RALGAPA1: variants seen among roughly 807,000 people sequenced by gnomAD.
The protein encoded by RALGAPA1 is ral GTPase-activating protein subunit alpha-1.
Under a neutral mutation model 269.6 loss-of-function variants are expected in RALGAPA1, and 52 were observed. That is an observed-to-expected ratio of 0.19 (90% CI 0.15 to 0.24). The LOEUF (loss-of-function observed/expected upper bound fraction) is 0.24, where lower values mean the gene tolerates loss of function less well. RALGAPA1 is among the 10% of genes least tolerant of loss of function. The pLI is 1.00. For missense variants in RALGAPA1, 1,917 were observed against 3,013.9 expected, an observed-to-expected ratio of 0.64 and a Z score of 8.52; for synonymous variants, 817 against 1,008.3, an observed-to-expected ratio of 0.81 and a Z score of 3.60.
intron 1 of RALGAPA1, among the ~76,000 whole-genome samples, chr14:35,800,727 A>G (rs969232848): frequency 2.0e-5 from 3 of 152,224 alleles, no homozygotes; most frequent in Non-Finnish European, 4.4e-5. Flanking sequence ...AAAGACTGCC[A>G]GGCATGGTAG....
chr14:35,673,900 C>T (rs2064720999), intron 24 of RALGAPA1, among the ~76,000 whole-genome samples: 1 of 152,120 alleles, frequency 6.6e-6, no homozygotes, highest in African/African-American at 2.4e-5. Flanking sequence ...TAATACACAG[C>T]ATATTCTGTG....
intron 9 of RALGAPA1, 103 bp from the exon 10 acceptor site, chr14:35,748,927 C>T (rs1359226471): frequency 1.2e-5 from 17 of 1,409,260 alleles, no homozygotes; most frequent in Non-Finnish European, 1.6e-5. Flanking sequence ...CAAAACATTT[C>T]CCAAGTAATT....
chr14:35,699,059 A>C (rs974699493), intron 17 of RALGAPA1, among the ~76,000 whole-genome samples: 1 of 152,180 alleles, frequency 6.6e-6, no homozygotes, highest in African/African-American at 2.4e-5. Context: ...CCATTCATTC[A>C]TCAATACTTA....
chr14:35,626,437 A>G (rs1215331906), intron 34 of RALGAPA1, among the ~76,000 whole-genome samples: 1 of 152,198 alleles, frequency 6.6e-6, no homozygotes, highest in Non-Finnish European at 1.5e-5. Flanking sequence ...TTAAAACCTA[A>G]ATGTATATTA....
At chr14:35,687,784 A>G (rs2066085524) in intron 18 of RALGAPA1, among the ~76,000 whole-genome samples, 1 of 152,248 alleles carries the variant, frequency 6.6e-6, no homozygotes, top group Non-Finnish European at 1.5e-5. Context: ...TCAGAAAAAA[A>G]CAAAGTAATT....
At chr14:35,648,316 A>T (rs1388755447) in intron 31 of RALGAPA1, among the ~76,000 whole-genome samples, 1 of 151,200 alleles carries the variant, frequency 6.6e-6, no homozygotes. Context: ...GAAAAAAAAA[A>T]TTAGTTGGGC....
chr14:35,599,777 C>CA (rs976896019), intron 36 of RALGAPA1, among the ~76,000 whole-genome samples: 20 of 151,984 alleles, frequency 1.3e-4, no homozygotes, highest in African/African-American at 4.6e-4. Context: ...AATAAACAAA[C>CA]AAAAAACAGA....
intron 30 of RALGAPA1, 40 bp downstream of exon 30, chr14:35,654,327 A>T: frequency 6.6e-7 from 1 of 1,516,992 alleles, no homozygotes; most frequent in South Asian, 1.3e-5. Flanking sequence ...ATCTAAAAAA[A>T]TTTAACAAGG....
chr14:35,748,744 T>C lies in RALGAPA1; in HGVS notation c.1092A>G (p.Glu364=), dbSNP rs1477895311. Residue 364 remains glutamate (E), a synonymous_variant, in exon 10 of 42, where the codon GAA becomes GAG. Coordinates refer to ENST00000680220, the MANE Select transcript of RALGAPA1 (RefSeq NM_001346249.2). ...ADKTDRTTEP[E]QSHSNTSTLT... Reference sequence around the variant, plus strand: ...GAGTGCTTGTATTGGAATGAGACTGTTCGGGTTCTGTAGTTCTGTCTGTTT... The same window carrying C: ...GAGTGCTTGTATTGGAATGAGACTGCTCGGGTTCTGTAGTTCTGTCTGTTT... The C allele has an allele frequency of 5.6e-6, 9 of 1,613,376 alleles. No homozygotes were observed. Among genetic ancestry groups the C allele is most frequent in the Non-Finnish European group, 6.8e-6 (8 of 1,179,830 alleles).
chr14:35,561,226 CAA>C (rs71124706), intron 39 of RALGAPA1, among the ~76,000 whole-genome samples: 9 of 36,784 alleles, frequency 2.4e-4, no homozygotes, highest in East Asian at 9.0e-4. Context: ...AACTCTGTCT[CAA>C]AAAAAAAAAA....
intron 36 of RALGAPA1, among the ~76,000 whole-genome samples, chr14:35,600,192 A>T (rs775182430): frequency 9.6e-4 from 84 of 87,926 alleles, no homozygotes; most frequent in South Asian, 2.9e-3. Flanking sequence ...CATTATTTTT[A>T]GGTTTCTTTT....
intron 37 of RALGAPA1, among the ~76,000 whole-genome samples, chr14:35,588,107 A>G (rs1050274396): frequency 6.6e-6 from 1 of 152,262 alleles, no homozygotes; most frequent in South Asian, 2.1e-4. Flanking sequence ...GGGTTTCACC[A>G]TGTTGGCCAG....
intron 39 of RALGAPA1, among the ~76,000 whole-genome samples, chr14:35,549,511 G>A (rs2054775252): frequency 6.6e-6 from 1 of 152,048 alleles, no homozygotes; most frequent in Non-Finnish European, 1.5e-5. Flanking sequence ...TGAAATGAAG[G>A]AAGTTAACAG....
intron 35 of RALGAPA1, 94 bp from the exon 36 acceptor site, chr14:35,605,803 A>G (rs1350846657): frequency 2.2e-6 from 3 of 1,366,576 alleles, no homozygotes; most frequent in South Asian, 2.9e-5. Flanking sequence ...ATGTAGCAAT[A>G]AAAAGATGAA....
At chr14:35,561,226 CAAAAAAAAAAA>C (rs71124706) in intron 39 of RALGAPA1, among the ~76,000 whole-genome samples, 3 of 36,782 alleles carry the variant, frequency 8.2e-5, no homozygotes, top group African/African-American at 4.9e-4. Flanking sequence ...AACTCTGTCT[CAAAAAAAAAAA>C]AAAAAAAAAA....
rs143617536 is a variant in RALGAPA1 at position 35,628,097 on chromosome 14, A to G, written c.5996-146T>C. ...CCATAATACAGTAATGATGGCAAAAAAGGAGGAAAACCATTCTTTGATGAA... is the reference window on the plus strand; with the variant it reads ...CCATAATACAGTAATGATGGCAAAAGAGGAGGAAAACCATTCTTTGATGAA... On this transcript the variant is annotated intron_variant, in intron 33 of 41. Transcript: ENST00000680220. The G allele has an allele frequency of 1.2e-4, 117 of 977,130 alleles. 1 individual carries two copies. In the African/African-American group the frequency reaches 1.4e-3, roughly 12 times the overall value. The allele number at this position is 977,130 out of a possible 1,614,324, so 60.5% of individuals were successfully genotyped here. A position where few individuals can be genotyped will look rare whatever the true frequency, so the allele number is the denominator to read the frequency against.
chr14:35,539,958 C>A (rs922999490), intron 41 of RALGAPA1, among the ~76,000 whole-genome samples: 1 of 152,126 alleles, frequency 6.6e-6, no homozygotes, highest in Non-Finnish European at 1.5e-5. Flanking sequence ...GAAGCAAAAT[C>A]TTTGAGCCAG....
intron 35 of RALGAPA1, among the ~76,000 whole-genome samples, chr14:35,621,943 G>A (rs2060654686): frequency 6.6e-6 from 1 of 152,168 alleles, no homozygotes; most frequent in African/African-American, 2.4e-5. Context: ...AACCATTGTG[G>A]AAGACAGTGT....
intron 12 of RALGAPA1, among the ~76,000 whole-genome samples, chr14:35,729,960 C>A (rs2070318227): frequency 6.6e-6 from 1 of 151,626 alleles, no homozygotes; most frequent in Admixed American, 6.6e-5. Context: ...ACCTCCAGAA[C>A]AACTGCAAGA....
Sources: gnomAD v4.1 joint callset for allele counts (sites outside exome capture counted in the v4.1 genomes callset) on GRCh38, gnomAD v4.1.1 for gene constraint, MANE v1.5 for transcripts, NCBI Gene and HGNC (gene_info 2026-07-23, HGNC 2026-07-21) for gene names.